ALDH1A2: variants seen among roughly 807,000 people sequenced by gnomAD.
ALDH1A2 encodes the protein retinal dehydrogenase 2.
A neutral mutation model predicts 60.3 loss-of-function variants in ALDH1A2; 27 were observed. That is an observed-to-expected ratio of 0.45 (90% CI 0.33 to 0.62). ALDH1A2 has a LOEUF of 0.62. ALDH1A2 is among the 20% of genes least tolerant of loss of function. The pLI is 0.02. For missense variants in ALDH1A2, 581 were observed against 643.8 expected, an observed-to-expected ratio of 0.90 and a Z score of 1.06; for synonymous variants, 289 against 232.4, an observed-to-expected ratio of 1.24 and a Z score of -2.21.
intron 4 of ALDH1A2, among the ~76,000 whole-genome samples, chr15:58,000,812 T>G (rs1406281456): frequency 1.4e-4 from 22 of 151,860 alleles, no homozygotes; most frequent in African/African-American, 4.6e-4. Context: ...CTACATGCTC[T>G]CAGCTGAGGC....
At chr15:58,012,568 T>C (rs1202720415) in intron 3 of ALDH1A2, among the ~76,000 whole-genome samples, 1 of 152,168 alleles carries the variant, frequency 6.6e-6, no homozygotes, top group African/African-American at 2.4e-5. Flanking sequence ...CAAGGAGGAA[T>C]TTCTTCACCA....
intron 1 of ALDH1A2, 106 bp downstream of exon 1, chr15:58,065,428 A>ACGACCC: frequency 3.0e-6 from 3 of 1,001,674 alleles, no homozygotes; most frequent in Non-Finnish European, 4.8e-6. Flanking sequence ...GCTGGCCCCG[A>ACGACCC]CGACCCCGGC....
At chr15:58,034,921 T>C (rs1311702968) in intron 1 of ALDH1A2, among the ~76,000 whole-genome samples, 1 of 151,648 alleles carries the variant, frequency 6.6e-6, no homozygotes, top group Non-Finnish European at 1.5e-5. Flanking sequence ...GAGGTAATAG[T>C]TTGTAGTATT....
intron 1 of ALDH1A2, among the ~76,000 whole-genome samples, chr15:58,062,107 CTGAGTTT>C (rs1215862841): frequency 3.3e-5 from 5 of 152,184 alleles, no homozygotes. Context: ...CACATTAGCT[CTGAGTTT>C]TAAGTTGATT....
intron 1 of ALDH1A2, among the ~76,000 whole-genome samples, chr15:58,060,247 T>C (rs1206404593): frequency 6.6e-6 from 1 of 152,172 alleles, no homozygotes; most frequent in Non-Finnish European, 1.5e-5. Context: ...CTGATCTTCC[T>C]TAAAATTGGT....
chr15:58,046,306 A>G (rs553797751), intron 1 of ALDH1A2, among the ~76,000 whole-genome samples: 48 of 152,190 alleles, frequency 3.2e-4, no homozygotes, highest in East Asian at 2.9e-3. Context: ...ACTTTTCAAA[A>G]GAGAGCATCA....
chr15:57,958,249 A>G (rs990995867), intron 12 of ALDH1A2, among the ~76,000 whole-genome samples: 1 of 142,212 alleles, frequency 7.0e-6, no homozygotes, highest in African/African-American at 2.6e-5. Context: ...GCTCTGATTT[A>G]GAGTATCTAA....
At chr15:58,021,203 A>G (rs1895916429) in intron 1 of ALDH1A2, among the ~76,000 whole-genome samples, 1 of 152,180 alleles carries the variant, frequency 6.6e-6, no homozygotes, top group Non-Finnish European at 1.5e-5. Context: ...CAAGTTTAAT[A>G]TATTTCTATT....
At chr15:57,959,890 C>T (rs895518123) in intron 12 of ALDH1A2, among the ~76,000 whole-genome samples, 1 of 152,066 alleles carries the variant, frequency 6.6e-6, no homozygotes, top group Non-Finnish European at 1.5e-5. Context: ...CACTGCATTT[C>T]TCCCACAAAC....
At chr15:57,965,144 A>G (rs1407837258) in intron 8 of ALDH1A2, among the ~76,000 whole-genome samples, 1 of 152,138 alleles carries the variant, frequency 6.6e-6, no homozygotes, top group African/African-American at 2.4e-5. Context: ...TTTCTCAGTT[A>G]CTTCTCTAAG....
At chr15:57,994,664 G>C (rs1196908301) in intron 5 of ALDH1A2, among the ~76,000 whole-genome samples, 1 of 152,114 alleles carries the variant, frequency 6.6e-6, no homozygotes, top group Non-Finnish European at 1.5e-5. Context: ...CTAGATTCTT[G>C]AGAAAAGAAA....
At chr15:58,038,581 C>T (rs1896435267) in intron 1 of ALDH1A2, 2 of 151,758 alleles carry the variant, frequency 1.3e-5, no homozygotes, top group Non-Finnish European at 2.9e-5. Flanking sequence ...TAAGAAACAA[C>T]TAACTGGTCT....
intron 1 of ALDH1A2, among the ~76,000 whole-genome samples, chr15:58,037,996 C>T (rs1896420213): frequency 6.6e-6 from 1 of 151,562 alleles, no homozygotes; most frequent in Non-Finnish European, 1.5e-5. Context: ...ACTCAGTTTT[C>T]CCCCGTGGGG....
At chr15:58,032,114 A>G (rs572849582) in intron 1 of ALDH1A2, among the ~76,000 whole-genome samples, 94 of 152,328 alleles carry the variant, frequency 6.2e-4, no homozygotes, top group African/African-American at 2.0e-3. Context: ...CCAAATGTCC[A>G]ACAATGATAG....
At chr15:58,008,570 G>A (rs4646597) in intron 4 of ALDH1A2, among the ~76,000 whole-genome samples, 69,661 of 151,814 alleles carry the variant, frequency 0.46, 16,589 homozygotes, top group Non-Finnish European at 0.54. Flanking sequence ...GAAAACCAAG[G>A]TACCGTTAGG....
At chr15:57,962,742 C>T (rs180972105) in intron 9 of ALDH1A2, among the ~76,000 whole-genome samples, 307 of 152,132 alleles carry the variant, frequency 2.0e-3, no homozygotes, top group African/African-American at 7.1e-3. Flanking sequence ...AAAAAACTGA[C>T]GGAGTTATCA....
chr15:57,982,020 G>A (rs950422392), intron 7 of ALDH1A2, among the ~76,000 whole-genome samples: 4 of 152,176 alleles, frequency 2.6e-5, no homozygotes, highest in African/African-American at 4.8e-5. Context: ...GACAGCACGA[G>A]ATTCAATGTG....
intron 1 of ALDH1A2, among the ~76,000 whole-genome samples, chr15:58,023,658 G>GAAAAAAAAAAAAAA (rs57467358): frequency 1.5e-5 from 2 of 129,418 alleles, no homozygotes; most frequent in African/African-American, 2.9e-5. Context: ...AAAGTGCTGG[G>GAAAAAAAAAAAAAA]AAAAAAAAAA....
intron 7 of ALDH1A2, chr15:57,980,349 T>C (rs1482371848): frequency 4.9e-6 from 2 of 406,564 alleles, no homozygotes; most frequent in South Asian, 2.2e-5. Context: ...ATGGGGTTCA[T>C]GTCATAGCTG....
Sources: allele counts gnomAD v4.1 joint callset (sites outside exome capture counted in the v4.1 genomes callset), GRCh38; gene constraint gnomAD v4.1.1; transcripts MANE v1.5; gene names NCBI Gene and HGNC (gene_info 2026-07-23, HGNC 2026-07-21).